The following DCBLD1 variants were observed in gnomAD, a reference collection of about 807,000 sequenced individuals.
The protein encoded by DCBLD1 is discoidin, CUB and LCCL domain containing 1.
A neutral mutation model predicts 71.5 loss-of-function variants in DCBLD1; 57 were observed. The observed-to-expected ratio is 0.80, with a 90% CI of 0.64 to 0.99. DCBLD1 has a LOEUF of 0.99. Among genes scored for constraint, DCBLD1 ranks in the 50% least tolerant of loss-of-function variants. The pLI, the probability that DCBLD1 is intolerant of heterozygous loss-of-function variation, is 0.00. For missense variants in DCBLD1, 891 were observed against 923.5 expected, an observed-to-expected ratio of 0.96 and a Z score of 0.46; for synonymous variants, 380 against 363.8, an observed-to-expected ratio of 1.04 and a Z score of -0.51.
At chr6:117,516,814 T>A (rs1778215634) in intron 2 of DCBLD1, among the ~76,000 whole-genome samples, 1 of 152,162 alleles carries the variant, frequency 6.6e-6, no homozygotes, top group African/African-American at 2.4e-5. Flanking sequence ...CTCCTTTTTT[T>A]AAAACCATCA....
At chr6:117,536,152 C>T (rs1417213434) in intron 6 of DCBLD1, among the ~76,000 whole-genome samples, 4 of 152,148 alleles carry the variant, frequency 2.6e-5, no homozygotes, top group African/African-American at 9.7e-5. Flanking sequence ...TTGTGGATTT[C>T]ATGTTTTAGT....
intron 1 of DCBLD1, among the ~76,000 whole-genome samples, chr6:117,483,647 AC>A (rs1359041567): frequency 6.7e-6 from 1 of 150,372 alleles, no homozygotes; most frequent in Non-Finnish European, 1.5e-5. Flanking sequence ...TAAAGCAGCA[AC>A]CCCCTTTACC....
At chr6:117,557,600 C>A (rs887875092) in intron 14 of DCBLD1, among the ~76,000 whole-genome samples, 10 of 151,952 alleles carry the variant, frequency 6.6e-5, no homozygotes, top group African/African-American at 2.4e-4. Context: ...CCCGTCTCTA[C>A]TAAAAATACA....
chr6:117,552,854 T>G (rs1779449661), downstream of DCBLD1, among the ~76,000 whole-genome samples: 1 of 152,216 alleles, frequency 6.6e-6, no homozygotes. Flanking sequence ...TTCCACCTAC[T>G]TAGTCACTGA....
At chr6:117,542,450 A>G (rs1362539069) in intron 11 of DCBLD1, among the ~76,000 whole-genome samples, 2 of 152,194 alleles carry the variant, frequency 1.3e-5, no homozygotes, top group African/African-American at 4.8e-5. Context: ...CAGAAGAGAA[A>G]GATGAAGAGC....
intron 2 of DCBLD1, among the ~76,000 whole-genome samples, chr6:117,515,649 A>G (rs1186521948): frequency 6.6e-6 from 1 of 152,242 alleles, no homozygotes; most frequent in African/African-American, 2.4e-5. Context: ...CATTCTACTT[A>G]TTTAGTCTGA....
intron 4 of DCBLD1, among the ~76,000 whole-genome samples, chr6:117,522,311 A>C (rs1045841159): frequency 6.6e-6 from 1 of 152,158 alleles, no homozygotes; most frequent in African/African-American, 2.4e-5. Flanking sequence ...TATGTCCTAG[A>C]TGTCAGTTGT....
intron 6 of DCBLD1, among the ~76,000 whole-genome samples, chr6:117,534,389 A>G (rs1366442254): frequency 6.6e-6 from 1 of 152,192 alleles, no homozygotes; most frequent in Non-Finnish European, 1.5e-5. Context: ...TTAAATGCCA[A>G]CTTGAACTTG....
At chr6:117,520,884 C>T (rs564917237) in intron 3 of DCBLD1, among the ~76,000 whole-genome samples, 87 of 152,322 alleles carry the variant, frequency 5.7e-4, no homozygotes, top group Admixed American at 3.7e-3. Flanking sequence ...CCATATATTG[C>T]TCCCAAAGAA....
intron 1 of DCBLD1, among the ~76,000 whole-genome samples, chr6:117,492,320 A>AG (rs1554263052): frequency 4.6e-5 from 7 of 152,222 alleles, no homozygotes; most frequent in Non-Finnish European, 1.0e-4. Context: ...AGAGCTATTG[A>AG]GGGAACTGAG....
At chr6:117,543,055 A>G (rs1465922170) in intron 11 of DCBLD1, 69 bp from the exon 12 acceptor site, 14 of 1,286,804 alleles carry the variant, frequency 1.1e-5, no homozygotes, top group African/African-American at 2.9e-5. Context: ...TTCCATGTTC[A>G]GTTTTAAATC....
At chr6:117,563,981 T>C (rs990149864) in intron 14 of DCBLD1, among the ~76,000 whole-genome samples, 5 of 151,718 alleles carry the variant, frequency 3.3e-5, no homozygotes, top group African/African-American at 1.2e-4. Flanking sequence ...TTTTTTTTTT[T>C]TCTTTTTTTT....
chr6:117,494,131 G>C (rs1777390042), intron 1 of DCBLD1, among the ~76,000 whole-genome samples: 1 of 152,026 alleles, frequency 6.6e-6, no homozygotes, highest in Admixed American at 6.6e-5. Flanking sequence ...TTTAGTAAGG[G>C]CCCTTTCATA....
intron 4 of DCBLD1, among the ~76,000 whole-genome samples, chr6:117,522,254 A>C (rs1778408078): frequency 6.6e-6 from 1 of 152,198 alleles, no homozygotes; most frequent in South Asian, 2.1e-4. Context: ...TTTATATTGC[A>C]GGGCTGTCCT....
In DCBLD1 at chr6:117,532,352, T is replaced by G; in HGVS notation, c.678T>G (p.Ser226Arg). Residue 226 changes from serine to arginine, a missense_variant, in exon 6 of 15, where the codon AGT becomes AGG. Coordinates refer to ENST00000338728, the MANE Select transcript of DCBLD1 (RefSeq NM_001366458.2). ...QISVLQRKGI[S>R]RYEGILANGV... ...GTGTGCTTCAGCGCAAAGGGATCAG[T>G]CGATATGAAGGGATTCTGGCCAATG... 6.2e-7 allele frequency: 1 copy of G among 1,613,242 alleles called. No homozygotes were observed. Among genetic ancestry groups the G allele is most frequent in the Non-Finnish European group, 8.5e-7 (1 of 1,179,792 alleles).
At chr6:117,485,567 C>T (rs773169237) in intron 1 of DCBLD1, among the ~76,000 whole-genome samples, 8 of 152,330 alleles carry the variant, frequency 5.3e-5, no homozygotes, top group Admixed American at 3.3e-4. Flanking sequence ...TCTGTTGTCT[C>T]ATCTGGACAG....
At chr6:117,486,872 A>G (rs977031835) in intron 1 of DCBLD1, among the ~76,000 whole-genome samples, 1 of 152,144 alleles carries the variant, frequency 6.6e-6, no homozygotes, top group Non-Finnish European at 1.5e-5. Flanking sequence ...CAGGTAATGG[A>G]GCATTACCGC....
intron 1 of DCBLD1, among the ~76,000 whole-genome samples, chr6:117,484,101 A>C (rs1289177927): frequency 6.6e-6 from 1 of 152,250 alleles, no homozygotes. Context: ...TAGGACTTTT[A>C]TAATGGATGT....
intron 5 of DCBLD1, among the ~76,000 whole-genome samples, chr6:117,531,784 A>G (rs1227748214): frequency 6.6e-6 from 1 of 152,256 alleles, no homozygotes; most frequent in Non-Finnish European, 1.5e-5. Flanking sequence ...TTCTTAAATG[A>G]TAACTTGGCA....
Sources: gnomAD v4.1 joint callset for allele counts (sites outside exome capture counted in the v4.1 genomes callset) on GRCh38, gnomAD v4.1.1 for gene constraint, MANE v1.5 for transcripts, NCBI Gene and HGNC (gene_info 2026-07-23, HGNC 2026-07-21) for gene names.